The following GNAI1 variants were observed in gnomAD, a reference collection of about 807,000 sequenced individuals.
The protein encoded by GNAI1 is guanine nucleotide-binding protein G(i) subunit alpha-1.
In GNAI1, 11 loss-of-function variants were observed where a neutral mutation model predicts 38.9. That is an observed-to-expected ratio of 0.28 (90% CI 0.18 to 0.47). The LOEUF (loss-of-function observed/expected upper bound fraction) is 0.47, where lower values mean the gene tolerates loss of function less well. Among genes scored for constraint, GNAI1 ranks in the 20% least tolerant of loss-of-function variants. The pLI, the probability that GNAI1 is intolerant of heterozygous loss-of-function variation, is 0.99. For synonymous variants in GNAI1, 166 were observed against 145.1 expected (o/e 1.14, Z -1.04); for missense variants, 317 against 436.9 (o/e 0.73, Z 2.45).
At chr7:80,160,283 T>C (rs1787901840) in intron 1 of GNAI1, among the ~76,000 whole-genome samples, 1 of 152,024 alleles carries the variant, frequency 6.6e-6, no homozygotes, top group Non-Finnish European at 1.5e-5. Context: ...GCCCAGCTTC[T>C]CTGTAAATTT....
At position 80,199,315 on chromosome 7, in the gene GNAI1, A is replaced by G. The variant is rs1397620498; in HGVS notation, c.394A>G (p.Lys132Glu). 6.2e-7 allele frequency: 1 copy of G among 1,613,354 alleles called. No individual in the cohort carries two copies. The highest frequency in any genetic ancestry group is 1.1e-5 in the South Asian group (1 of 90,976). Residue 132 changes from lysine to glutamate, a missense_variant, in exon 4 of 8, where the codon AAA becomes GAA. Lys to Glu is a moderately conservative substitution (Grantham distance 56). Around this residue, in one of 5 missense-constraint regions of GNAI1, gnomAD observed 158 missense variants for 234.7 expected, o/e 0.67. Transcript: ENST00000649796. ...ELAGVIKRLW[K>E]DSGVQACFNR... ...TGCTGGAGTTATAAAGAGATTGTGG[A>G]AAGATAGTGGTGTACAAGCCTGTTT...
chr7:80,155,730 GA>G lies in GNAI1; in HGVS notation c.118+20463del, dbSNP rs530418407. Among the ~76,000 whole-genome samples, 73 of 144,952 alleles carry G rather than the reference GA, an allele frequency of 5.0e-4. 1 individual carries two copies. Among genetic ancestry groups the G allele is most frequent in the East Asian group, 1.4e-3 (7 of 4,992 alleles). On this transcript the variant is annotated intron_variant, in intron 1 of 7. Transcript: ENST00000649796. Reference sequence around the variant, plus strand: ...CACAGTTACACAGTTAGATGTTTAAGAAAAAAAAAAATACAGTGTGTTATTG... The same window carrying G: ...CACAGTTACACAGTTAGATGTTTAAGAAAAAAAAAATACAGTGTGTTATTG...
intron 7 of GNAI1, among the ~76,000 whole-genome samples, chr7:80,214,935 C>G (rs567521830): frequency 6.6e-6 from 1 of 152,256 alleles, no homozygotes; most frequent in South Asian, 2.1e-4. Context: ...TTTACATTAG[C>G]AACTGCTTGA....
chr7:80,151,238 G>T (rs1348360278), intron 1 of GNAI1, among the ~76,000 whole-genome samples: 3 of 152,132 alleles, frequency 2.0e-5, no homozygotes, highest in African/African-American at 7.2e-5. Flanking sequence ...GAGTTTGGGA[G>T]AACTTTTTTC....
chr7:80,148,600 T>C (rs1787670163), intron 1 of GNAI1, among the ~76,000 whole-genome samples: 1 of 152,078 alleles, frequency 6.6e-6, no homozygotes, highest in Non-Finnish European at 1.5e-5. Flanking sequence ...AACTTAACTT[T>C]TAAAAATAAA....
Position 80,135,256 on chromosome 7 carries a change from C to A in GNAI1, c.96C>A (p.Arg32=). Residue 32 remains arginine, a synonymous_variant, in exon 1 of 8, where the codon CGC becomes CGA. Transcript: ENST00000649796. ...NLREDGEKAA[R]EVKLLLLGAG... ...GTGAGGACGGCGAGAAGGCGGCGCG[C>A]GAGGTCAAGCTGCTGCTGCTCGGTA... 6.6e-7 allele frequency: 1 copy of A among 1,518,872 alleles called. No homozygotes were observed. The highest frequency in any genetic ancestry group is 2.7e-5 in the East Asian group (1 of 37,108). The allele number at this position is 1,518,872 out of a possible 1,614,324, so 94.1% of individuals were successfully genotyped here. A position where few individuals can be genotyped will look rare whatever the true frequency, so the allele number is the denominator to read the frequency against.
chr7:80,189,323 A>G lies in GNAI1; in HGVS notation c.303+92A>G, dbSNP rs555339534. 83 of 1,104,348 alleles carry G rather than the reference A, an allele frequency of 7.5e-5. 1 individual carries two copies. In the South Asian group the frequency reaches 1.0e-3, roughly 14 times the overall value. 68.4% of individuals were successfully genotyped at this position (1,104,348 alleles called of 1,614,324 possible). On this transcript the variant is annotated intron_variant, in intron 3 of 7. Coordinates refer to ENST00000649796, the MANE Select transcript of GNAI1 (RefSeq NM_002069.6). ...ACTGTGTAACATAGGCTTGTCAACT[A>G]TCAGGACCATTTCATAAAAGGAACC... is the stretch of plus-strand genomic sequence containing the variant.
At chr7:80,141,552 C>T (rs1008591043) in intron 1 of GNAI1, among the ~76,000 whole-genome samples, 10 of 152,182 alleles carry the variant, frequency 6.6e-5, no homozygotes, top group African/African-American at 2.4e-4. Flanking sequence ...ACTCTTTACT[C>T]CACCCTGTGG....
At chr7:80,201,281 A>G (rs900142752) in intron 4 of GNAI1, among the ~76,000 whole-genome samples, 1 of 152,196 alleles carries the variant, frequency 6.6e-6, no homozygotes, top group African/African-American at 2.4e-5. Flanking sequence ...GTCCAGCAAA[A>G]GGAGCTACTT....
rs1038120361 is a variant in GNAI1 at position 80,135,089 on chromosome 7, A to G, written c.-72A>G. Reference sequence around the variant, plus strand: ...GTTCGAACGCCCGCTAGGAGAGAGAAAGGATTCCCCTGTGCTTGGAGCCCG... The same window carrying G: ...GTTCGAACGCCCGCTAGGAGAGAGAGAGGATTCCCCTGTGCTTGGAGCCCG... On this transcript the variant is annotated 5_prime_UTR_variant, in exon 1 of 8. Transcript: ENST00000649796. 1.1e-5 allele frequency: 11 copies of G among 1,035,042 alleles called. No homozygotes were observed. Among genetic ancestry groups the G allele is most frequent in the Middle Eastern group, 2.2e-4 (1 of 4,492 alleles). 64.1% of individuals were successfully genotyped at this position (1,035,042 alleles called of 1,614,324 possible).
At chr7:80,201,000 A>T (rs541045823) in intron 4 of GNAI1, among the ~76,000 whole-genome samples, 1 of 152,058 alleles carries the variant, frequency 6.6e-6, no homozygotes, top group African/African-American at 2.4e-5. Flanking sequence ...TGAATATTTG[A>T]TTATTTTCTG....
At position 80,221,511 on chromosome 7, in the gene GNAI1, G is replaced by A. The variant is rs1162408988; in HGVS notation, c.*4018G>A. ...TTCGTTTTCATAATGAAAACTAAGT[G>A]TCTCACATATTGATACTGGAAAATG... On this transcript the variant is annotated 3_prime_UTR_variant, in exon 8 of 8. Coordinates refer to ENST00000649796, the MANE Select transcript of GNAI1 (RefSeq NM_002069.6). Among the ~76,000 whole-genome samples, 1 of 151,908 alleles carries A rather than the reference G, an allele frequency of 6.6e-6. No individual in the cohort carries two copies. Among genetic ancestry groups the A allele is most frequent in the African/African-American group, 2.4e-5 (1 of 41,354 alleles).
At chr7:80,152,041 G>GT (rs1161921853) in intron 1 of GNAI1, among the ~76,000 whole-genome samples, 1 of 152,092 alleles carries the variant, frequency 6.6e-6, no homozygotes, top group Admixed American at 6.6e-5. Context: ...CCTCTTTTCA[G>GT]TTTTTTAGTA....
At chr7:80,135,302 CG>C (rs1305223863) in intron 1 of GNAI1, 24 bp downstream of exon 1, 14 of 1,275,152 alleles carry the variant, frequency 1.1e-5, no homozygotes, top group Admixed American at 3.2e-5. Flanking sequence ...GGTCGGGGCC[CG>C]GGGGTCGGCG....
rs181599565 is a variant in GNAI1, at chr7:80,155,954, A to C, written c.118+20676A>C. On this transcript the variant is annotated intron_variant, in intron 1 of 7. Transcript: ENST00000649796. ...GTAGTCCCAGCTACTCAGGAGACTG[A>C]GGCAGAAGAATCACTTGAACCCAGG... Among the ~76,000 whole-genome samples the C allele has an allele frequency of 3.8e-3, 567 of 149,764 alleles. 4 individuals carry two copies. The highest frequency in any genetic ancestry group is 0.013 in the African/African-American group (529 of 40,754).
intron 7 of GNAI1, among the ~76,000 whole-genome samples, chr7:80,216,425 A>C (rs1006803087): frequency 2.0e-5 from 3 of 152,156 alleles, no homozygotes; most frequent in Non-Finnish European, 4.4e-5. Context: ...AACACAAAGG[A>C]AATATACACC....
Position 80,225,842 on chromosome 7 carries a change from T to A in GNAI1, c.*8349T>A, listed in dbSNP as rs1198594366. Among the ~76,000 whole-genome samples, 1 of 152,188 alleles carries A rather than the reference T, an allele frequency of 6.6e-6. No homozygotes were observed. Among genetic ancestry groups the A allele is most frequent in the East Asian group, 1.9e-4 (1 of 5,180 alleles). On this transcript the variant is annotated 3_prime_UTR_variant, in exon 8 of 8. Transcript: ENST00000649796. ...TGGGATCGATCTGAGAAAAATTAGA[T>A]TTATGTGCAGATTTTAGCTACCCTT... is the stretch of plus-strand genomic sequence containing the variant.
chr7:80,199,531 T>C, intron 4 of GNAI1, 149 bp downstream of exon 4: 1 of 602,404 alleles, frequency 1.7e-6, no homozygotes, highest in Non-Finnish European at 2.8e-6. Context: ...AACTTTGTCT[T>C]ATGTGTGTTG....
intron 1 of GNAI1, among the ~76,000 whole-genome samples, chr7:80,169,066 C>T (rs1468391841): frequency 6.6e-6 from 1 of 152,194 alleles, no homozygotes; most frequent in East Asian, 1.9e-4. Context: ...TCTTTCTGTA[C>T]TTCTGTCCCT....
Sources: gnomAD v4.1 joint callset for allele counts (sites outside exome capture counted in the v4.1 genomes callset) on GRCh38, gnomAD v4.1.1 for gene constraint, gnomAD v4.1.1 regional missense constraint, MANE v1.5 for transcripts, NCBI Gene and HGNC (gene_info 2026-07-23, HGNC 2026-07-21) for gene names.